CCSER1: variants seen among roughly 807,000 people sequenced by gnomAD.
The protein encoded by CCSER1 is coiled-coil serine rich protein 1.
CCSER1 carries 41 observed loss-of-function variants against 82.0 expected under a neutral mutation model. The ratio of observed to expected loss-of-function variants is 0.50; its 90% CI spans 0.39 to 0.65. The LOEUF is 0.65. Among genes scored for constraint, CCSER1 ranks in the 30% least tolerant of loss-of-function variants. The pLI, the probability that CCSER1 is intolerant of heterozygous loss-of-function variation, is 0.00. For missense variants in CCSER1, 1,119 were observed against 1,064.2 expected (o/e 1.05, Z -0.72); for synonymous variants, 414 against 383.9 (o/e 1.08, Z -0.92).
chr4:91,451,665 C>T lies in CCSER1; in HGVS notation c.2218-146907C>T, dbSNP rs564017869. ...GAAATCATGAGCATGTTGAAAAATT[C>T]TGCATGTAACATACAATATGCACCC... On this transcript the variant is annotated intron_variant, in intron 10 of 10. Transcript: ENST00000509176. Among the ~76,000 whole-genome samples, 145 of 151,976 alleles carry T rather than the reference C, an allele frequency of 9.5e-4. 1 individual carries two copies. Among genetic ancestry groups the T allele is most frequent in the African/African-American group, 3.2e-3 (132 of 41,504 alleles).
At chr4:91,134,011 A>G (rs577953785) in intron 10 of CCSER1, among the ~76,000 whole-genome samples, 103 of 152,146 alleles carry the variant, frequency 6.8e-4, no homozygotes, top group Non-Finnish European at 1.1e-3. Context: ...GGGCAGAAGA[A>G]TTGCTTGAAC....
At chr4:90,962,433 A>T (rs2150378425) in intron 9 of CCSER1, among the ~76,000 whole-genome samples, 1 of 152,222 alleles carries the variant, frequency 6.6e-6, no homozygotes, top group Non-Finnish European at 1.5e-5. Flanking sequence ...TATTATTTTG[A>T]CTACATTAGC....
chr4:91,322,853 A>G (rs1746289347), intron 10 of CCSER1, among the ~76,000 whole-genome samples: 1 of 152,124 alleles, frequency 6.6e-6, no homozygotes, highest in Admixed American at 6.6e-5. Context: ...GTGTTATATA[A>G]GAAAAGGGGC....
chr4:90,365,151 G>T (rs1746056299), intron 3 of CCSER1, among the ~76,000 whole-genome samples: 3 of 151,982 alleles, frequency 2.0e-5, no homozygotes, highest in Admixed American at 1.3e-4. Context: ...TTGAAGTTTA[G>T]TGTGTGCTTT....
At chr4:90,661,988 GTTTCTTTC>G (rs1288825331) in intron 6 of CCSER1, among the ~76,000 whole-genome samples, 1 of 146,210 alleles carries the variant, frequency 6.8e-6, no homozygotes, top group Admixed American at 6.8e-5. Context: ...ACCACTCTTT[GTTTCTTTC>G]TTTCTTTTTT....
In CCSER1 at chr4:90,297,239, T is replaced by G. The variant is rs556627911; in HGVS notation, c.-41-11005T>G. Among the ~76,000 whole-genome samples, 877 of 149,530 alleles carry G rather than the reference T, an allele frequency of 5.9e-3. 28 individuals carry two copies. Among genetic ancestry groups the G allele is most frequent in the African/African-American group, 0.022 (848 of 39,238 alleles). On this transcript the variant is annotated intron_variant, in intron 1 of 10. Coordinates refer to ENST00000509176, the MANE Select transcript of CCSER1 (RefSeq NM_001145065.2). The stretch of plus-strand genomic sequence containing the variant: ...TTGTAAGTTGGATTCCTAGGTATTT[T>G]ATTCTCTTTGAAGCAATTGTGAATG...
chr4:91,459,766 A>T (rs948362221), intron 10 of CCSER1, among the ~76,000 whole-genome samples: 3 of 152,174 alleles, frequency 2.0e-5, no homozygotes, highest in African/African-American at 7.2e-5. Context: ...TTCTACTTCA[A>T]GGACTACTCT....
chr4:90,529,493 G>A (rs1360950347), intron 5 of CCSER1, among the ~76,000 whole-genome samples: 1 of 152,276 alleles, frequency 6.6e-6, no homozygotes, highest in East Asian at 1.9e-4. Context: ...GCCTCCCAAA[G>A]TACTGGGATT....
At chr4:90,353,683 T>G (rs1397728327) in intron 3 of CCSER1, among the ~76,000 whole-genome samples, 1 of 152,192 alleles carries the variant, frequency 6.6e-6, no homozygotes, top group Non-Finnish European at 1.5e-5. Context: ...GGCTTATGTC[T>G]CCTTTGGAAC....
intron 10 of CCSER1, among the ~76,000 whole-genome samples, chr4:91,560,450 A>T (rs942420637): frequency 1.3e-5 from 2 of 151,560 alleles, no homozygotes; most frequent in African/African-American, 4.8e-5. Flanking sequence ...AACATACAGT[A>T]ATATTATTCT....
intron 1 of CCSER1, among the ~76,000 whole-genome samples, chr4:90,139,891 G>A (rs75627933): frequency 0.016 from 2,436 of 152,162 alleles, 30 homozygotes; most frequent in Middle Eastern, 0.082. Context: ...ATTCAGAGGA[G>A]GAGGTTACAG....
intron 1 of CCSER1, among the ~76,000 whole-genome samples, chr4:90,174,103 G>C (rs1732233374): frequency 6.6e-6 from 1 of 151,868 alleles, no homozygotes; most frequent in South Asian, 2.1e-4. Flanking sequence ...TTTTGAGTAA[G>C]AAGGCAAGAA....
intron 5 of CCSER1, among the ~76,000 whole-genome samples, chr4:90,512,173 C>T (rs1219999122): frequency 6.6e-6 from 1 of 151,926 alleles, no homozygotes; most frequent in Non-Finnish European, 1.5e-5. Context: ...AACTGATCTG[C>T]CTGAGAATGG....
At chr4:91,067,541 C>T (rs2148756936) in intron 9 of CCSER1, among the ~76,000 whole-genome samples, 1 of 152,070 alleles carries the variant, frequency 6.6e-6, no homozygotes, top group East Asian at 1.9e-4. Context: ...GGCTGAGTCT[C>T]ACTATGTTGT....
intron 5 of CCSER1, among the ~76,000 whole-genome samples, chr4:90,574,347 C>T (rs1231068957): frequency 6.9e-6 from 1 of 144,898 alleles, no homozygotes; most frequent in Non-Finnish European, 1.5e-5. Flanking sequence ...CGGCTCACTG[C>T]AAGCTCCGCT....
rs553825265 is a variant in CCSER1, at chr4:91,378,149, G to A, written c.2218-220423G>A. Among the ~76,000 whole-genome samples, 56 of 152,284 alleles carry A rather than the reference G, an allele frequency of 3.7e-4. No individual in the cohort carries two copies. The South Asian group carries it at 6.8e-3, about 19-fold the overall frequency. On this transcript the variant is annotated intron_variant, in intron 10 of 10. Transcript: ENST00000509176. ...CCAGTGCCATGCTGTTTTGGTTACC[G>A]TAGCCTTGTAGTATAGTTTGAAGTC...
chr4:90,628,032 T>C lies in CCSER1; in HGVS notation c.1732T>C (p.Ser578Pro). 1 of 1,613,132 alleles carries C rather than the reference T, an allele frequency of 6.2e-7. No individual in the cohort carries two copies. Among genetic ancestry groups the C allele is most frequent in the Non-Finnish European group, 8.5e-7 (1 of 1,179,350 alleles). The change falls in exon 6 of 11, where the codon TCC becomes CCC. Residue 578 changes from serine (S) to proline (P), a missense_variant. Ser to Pro is a moderately conservative substitution (Grantham distance 74). Coordinates refer to ENST00000509176, the MANE Select transcript of CCSER1 (RefSeq NM_001145065.2). The stretch of plus-strand genomic sequence containing the variant: ...TTTTTTTTTTCTTGTTAGGAATCTT[T>C]CCCTGAAATTAACAAAGGACGTTGA... ...EFPEPSKQNL[S>P]LKLTKDVDQE...
At chr4:91,325,544 A>G (rs948760697) in intron 10 of CCSER1, among the ~76,000 whole-genome samples, 2 of 152,200 alleles carry the variant, frequency 1.3e-5, no homozygotes, top group African/African-American at 2.4e-5. Flanking sequence ...CCAAATCAAC[A>G]TAAGCTTTGG....
At chr4:91,324,326 C>T (rs543667377) in intron 10 of CCSER1, among the ~76,000 whole-genome samples, 7 of 152,128 alleles carry the variant, frequency 4.6e-5, no homozygotes, top group East Asian at 1.9e-4. Context: ...TACTATTTGT[C>T]GGAGTGTCAA....
Sources: allele counts gnomAD v4.1 joint callset (sites outside exome capture counted in the v4.1 genomes callset), GRCh38; gene constraint gnomAD v4.1.1; transcripts MANE v1.5; gene names NCBI Gene and HGNC (gene_info 2026-07-23, HGNC 2026-07-21).